PRPF31: variants seen among roughly 807,000 people sequenced by gnomAD.
PRPF31 encodes the protein U4/U6 small nuclear ribonucleoprotein Prp31.
Under a neutral mutation model 60.4 loss-of-function variants are expected in PRPF31, and 12 were observed. The ratio of observed to expected loss-of-function variants is 0.20; its 90% CI spans 0.13 to 0.32. The LOEUF is 0.32. Among genes scored for constraint, PRPF31 ranks in the 10% least tolerant of loss-of-function variants. The pLI is 1.00. For synonymous variants in PRPF31, 287 were observed against 287.9 expected, an observed-to-expected ratio of 1.00 and a Z score of 0.03; for missense variants, 431 against 687.1, an observed-to-expected ratio of 0.63 and a Z score of 4.17.
chr19:54,123,627 C>A, intron 6 of PRPF31, 67 bp downstream of exon 6: 1 of 1,602,790 alleles, frequency 6.2e-7, no homozygotes, highest in Non-Finnish European at 8.5e-7. Context: ...GCTACACACG[C>A]AGGTGTACAC....
intron 1 of PRPF31, among the ~76,000 whole-genome samples, chr19:54,117,855 AAAAT>A (rs1249097503): frequency 5.9e-5 from 9 of 152,236 alleles, no homozygotes; most frequent in South Asian, 2.1e-4. Flanking sequence ...CCATCTTTAA[AAAAT>A]AAATAAATAA....
intron 11 of PRPF31, among the ~76,000 whole-genome samples, 160 bp from the exon 12 acceptor site, chr19:54,128,897 G>A (rs2073987918): frequency 6.6e-6 from 1 of 152,200 alleles, no homozygotes; most frequent in African/African-American, 2.4e-5. Context: ...CGCGTGTGTG[G>A]GCCCCCAGGC....
At chr19:54,116,630 T>C (rs2073648128) in intron 1 of PRPF31, among the ~76,000 whole-genome samples, 1 of 152,268 alleles carries the variant, frequency 6.6e-6, no homozygotes, top group African/African-American at 2.4e-5. Context: ...GCAGACAGGC[T>C]TTATCAAATA....
At position 54,122,822 on chromosome 19, in the gene PRPF31, A is replaced by C. The variant is rs587593597; in HGVS notation, c.420+228A>C. 4.1e-4 allele frequency: 254 copies of C among 619,368 alleles called. 1 individual carries two copies. The African/African-American group carries it at 4.3e-3, about 11-fold the overall frequency. 38.4% of individuals were successfully genotyped at this position (619,368 alleles called of 1,614,324 possible). A position where few individuals can be genotyped will look rare whatever the true frequency, so the allele number is the denominator to read the frequency against. Reference sequence around the variant, plus strand: ...GAGGGCTTCCCCGCTGGCCTGACCCACGCTGCTCCCGCTGTGGTTGGAGCC... The same window carrying C: ...GAGGGCTTCCCCGCTGGCCTGACCCCCGCTGCTCCCGCTGTGGTTGGAGCC... On this transcript the variant is annotated intron_variant, in intron 5 of 13. Coordinates refer to ENST00000321030, the MANE Select transcript of PRPF31 (RefSeq NM_015629.4).
At chr19:54,118,921 C>A in intron 3 of PRPF31, 1 of 501,200 alleles carries the variant, frequency 2.0e-6, no homozygotes, top group Non-Finnish European at 3.5e-6. Context: ...GGGTTTTTGC[C>A]ACATCTATAA....
intron 3 of PRPF31, 110 bp downstream of exon 3, chr19:54,118,743 G>A (rs1434402670): frequency 2.7e-6 from 3 of 1,105,160 alleles, no homozygotes; most frequent in East Asian, 4.7e-5. Context: ...CTTTTCCAGA[G>A]CCTTCTTTTT....
chr19:54,118,661 C>G (rs181728404), intron 3 of PRPF31, 28 bp downstream of exon 3: 2 of 1,611,732 alleles, frequency 1.2e-6, no homozygotes, highest in East Asian at 2.2e-5. Flanking sequence ...GTGCCCCTCC[C>G]CATCTCCTGT....
At chr19:54,118,109 G>C (rs370135115) in intron 1 of PRPF31, 162 bp from the exon 2 acceptor site, 1 of 987,552 alleles carries the variant, frequency 1.0e-6, no homozygotes, top group African/African-American at 1.6e-5. Flanking sequence ...CTGGAGACTC[G>C]CCAGTGAACA....
intron 5 of PRPF31, 132 bp downstream of exon 5, chr19:54,122,726 C>A: frequency 3.8e-6 from 3 of 792,360 alleles, no homozygotes; most frequent in Admixed American, 1.9e-5. Flanking sequence ...GTGGTCTGCT[C>A]TGCCCAGCGT....
At chr19:54,123,428 C>A in intron 5 of PRPF31, 26 bp from the exon 6 acceptor site, 1 of 1,582,948 alleles carries the variant, frequency 6.3e-7, no homozygotes, top group Non-Finnish European at 8.7e-7. Context: ...TCCCGAGCCT[C>A]CCCTATCTTC....
At position 54,131,696 on chromosome 19, in the gene PRPF31, A is replaced by C. The variant is rs1318851525; in HGVS notation, c.*264A>C. On this transcript the variant is annotated 3_prime_UTR_variant, in exon 14 of 14. Transcript: ENST00000321030. ...GAGATTTTTTGAAAAGAGTACAATT[A>C]AAAGGACATTGTCAAGATCTGTCCT... 3 of 572,508 alleles carry C rather than the reference A, an allele frequency of 5.2e-6. No homozygotes were observed. The highest frequency in any genetic ancestry group is 6.2e-6 in the Non-Finnish European group (2 of 320,036). The allele number at this position is 572,508 out of a possible 1,614,324, so 35.5% of individuals were successfully genotyped here.
At chr19:54,125,818 G>A (rs75272874) in intron 8 of PRPF31, among the ~76,000 whole-genome samples, 6,330 of 152,280 alleles carry the variant, frequency 0.042, 325 homozygotes, top group African/African-American at 0.12. Context: ...AACCCAGGAC[G>A]GGTGGGCCTG....
chr19:54,123,058 G>A, intron 5 of PRPF31: 2 of 454,128 alleles, frequency 4.4e-6, no homozygotes, highest in Admixed American at 3.5e-5. Context: ...AGGGGCAGGT[G>A]TGCGTGAGGG....
At position 54,124,578 on chromosome 19, in the gene PRPF31, G is replaced by A; in HGVS notation, c.777G>A (p.Leu259=). Residue 259 remains leucine (L), a synonymous_variant, in exon 8 of 14, where the codon CTG becomes CTA. Coordinates refer to ENST00000321030, the MANE Select transcript of PRPF31 (RefSeq NM_015629.4). ...IMLLGAQRKT[L]SGFSSTSVLP... ...TGCTCGGGGCCCAGCGCAAGACGCT[G>A]TCGGGCTTCTCGTCTACCTCAGTGC... 2 of 1,613,436 alleles carry A rather than the reference G, an allele frequency of 1.2e-6. No individual in the cohort carries two copies. The highest frequency in any genetic ancestry group is 2.2e-5 in the South Asian group (2 of 91,088).
chr19:54,129,396 C>T, intron 13 of PRPF31, 26 bp downstream of exon 13: 1 of 1,566,138 alleles, frequency 6.4e-7, no homozygotes, highest in Non-Finnish European at 8.6e-7. Context: ...CGGCTCTGTC[C>T]CCAGCCCTGA....
intron 1 of PRPF31, among the ~76,000 whole-genome samples, chr19:54,117,754 G>A (rs2073685652): frequency 6.6e-6 from 1 of 152,010 alleles, no homozygotes; most frequent in Non-Finnish European, 1.5e-5. Context: ...AGGAGGCTGA[G>A]GCAGGAGAAT....
At chr19:54,128,903 C>A (rs2073988015) in intron 11 of PRPF31, among the ~76,000 whole-genome samples, 154 bp from the exon 12 acceptor site, 1 of 152,214 alleles carries the variant, frequency 6.6e-6, no homozygotes, top group Non-Finnish European at 1.5e-5. Context: ...TGTGGGCCCC[C>A]AGGCCTCAGC....
At chr19:54,130,637 AAG>A (rs1265581182) in intron 13 of PRPF31, among the ~76,000 whole-genome samples, 1 of 150,022 alleles carries the variant, frequency 6.7e-6, no homozygotes, top group East Asian at 2.0e-4. Flanking sequence ...AAAAAAAAAA[AAG>A]AAGGCAGAAA....
intron 7 of PRPF31, chr19:54,124,277 TCCCTGCA>T: frequency 1.6e-6 from 1 of 633,154 alleles, no homozygotes; most frequent in Non-Finnish European, 2.8e-6. Flanking sequence ...GGGGGCCTCC[TCCCTGCA>T]CCCCCAGGCC....
Sources: gnomAD v4.1 joint callset for allele counts (sites outside exome capture counted in the v4.1 genomes callset) on GRCh38, gnomAD v4.1.1 for gene constraint, MANE v1.5 for transcripts, NCBI Gene and HGNC (gene_info 2026-07-23, HGNC 2026-07-21) for gene names.